XYLT1: variants seen among roughly 807,000 people sequenced by gnomAD.
XYLT1 encodes the protein beta-D-xylosyltransferase 1.
In XYLT1, 36 loss-of-function variants were observed where a neutral mutation model predicts 91.3. The ratio of observed to expected loss-of-function variants is 0.39; its 90% confidence interval spans 0.30 to 0.52. The LOEUF (loss-of-function observed/expected upper bound fraction) is 0.52, where lower values mean the gene tolerates loss of function less well. Among genes scored for constraint, XYLT1 ranks in the 20% least tolerant of loss-of-function variants. The pLI, the probability that XYLT1 is intolerant of heterozygous loss-of-function variation, is 0.68. For missense variants in XYLT1, 1,242 were observed against 1,284.5 expected (o/e 0.97, Z 0.51); for synonymous variants, 588 against 532.0 (o/e 1.11, Z -1.45).
intron 1 of XYLT1, among the ~76,000 whole-genome samples, chr16:17,378,957 G>A (rs949911512): frequency 2.6e-5 from 4 of 152,154 alleles, no homozygotes; most frequent in Non-Finnish European, 4.4e-5. Context: ...GGAATGAGAG[G>A]ACCTGTCTTA....
intron 1 of XYLT1, among the ~76,000 whole-genome samples, chr16:17,390,147 C>G (rs1045043011): frequency 2.0e-5 from 3 of 152,154 alleles, no homozygotes; most frequent in Non-Finnish European, 4.4e-5. Flanking sequence ...TTAATCCGAA[C>G]ATCATTTCCA....
At chr16:17,214,901 C>T (rs533034065) in intron 3 of XYLT1, among the ~76,000 whole-genome samples, 4 of 152,328 alleles carry the variant, frequency 2.6e-5, no homozygotes, top group Admixed American at 6.5e-5. Context: ...TTTAATCTCA[C>T]GAAACCTCTG....
intron 2 of XYLT1, among the ~76,000 whole-genome samples, chr16:17,315,016 G>A (rs1355160325): frequency 3.3e-5 from 5 of 152,184 alleles, no homozygotes; most frequent in African/African-American, 7.2e-5. Flanking sequence ...GCCACGTGGC[G>A]GGTTATTCGC....
chr16:17,115,384 T>C lies in XYLT1; in HGVS notation c.2557+2262A>G, dbSNP rs190102919. 1.6e-3 allele frequency among the ~76,000 whole-genome samples: 228 copies of C among 143,466 alleles called. 4 individuals carry two copies. The East Asian group carries it at 0.035, about 22-fold the overall frequency. 94.1% of individuals were successfully genotyped at this position (143,466 alleles called of 152,430 possible). The stretch of plus-strand genomic sequence containing the variant: ...GTGTAGTTTCAGCTACTTAGGAGGC[T>C]GAGGTGAGAGAATTACTTGAGCCCA... On this transcript the variant is annotated intron_variant, in intron 11 of 11. Coordinates refer to ENST00000261381, the MANE Select transcript of XYLT1 (RefSeq NM_022166.4).
At position 17,203,643 on chromosome 16, in the gene XYLT1, C is replaced by T. The variant is rs767239678; in HGVS notation, c.914-2989G>A. ...ATTTATTCATCCATCCAAGTCCAAC[C>T]ATTCATCCATTGCTCCACCCATTCA... On this transcript the variant is annotated intron_variant, in intron 3 of 11. Transcript: ENST00000261381. Among the ~76,000 whole-genome samples the T allele has an allele frequency of 2.6e-5, 4 of 152,254 alleles. No homozygotes were observed. The South Asian group carries it at 8.3e-4, about 32-fold the overall frequency.
chr16:17,112,378 G>A (rs1019822117), intron 11 of XYLT1, among the ~76,000 whole-genome samples: 7 of 152,070 alleles, frequency 4.6e-5, no homozygotes, highest in South Asian at 2.1e-4. Context: ...GGCTGCTCTC[G>A]GTGGGGGTAA....
chr16:17,335,712 T>G (rs1271614533), intron 2 of XYLT1, among the ~76,000 whole-genome samples: 1 of 134,932 alleles, frequency 7.4e-6, no homozygotes, highest in Non-Finnish European at 1.6e-5. Flanking sequence ...AAAAAAAAAA[T>G]CATTCATTGA....
chr16:17,449,038 T>G (rs1596551770), intron 1 of XYLT1, among the ~76,000 whole-genome samples: 2 of 152,086 alleles, frequency 1.3e-5, no homozygotes, highest in East Asian at 3.9e-4. Flanking sequence ...TTCCACCAAC[T>G]GAGACAAAGA....
At chr16:17,336,499 G>A (rs188823790) in intron 2 of XYLT1, among the ~76,000 whole-genome samples, 19 of 152,198 alleles carry the variant, frequency 1.2e-4, no homozygotes, top group African/African-American at 4.1e-4. Flanking sequence ...CTGGGGCCCC[G>A]TCCTTCACTA....
chr16:17,291,470 A>G (rs765531533), intron 2 of XYLT1, among the ~76,000 whole-genome samples: 3 of 152,176 alleles, frequency 2.0e-5, no homozygotes, highest in African/African-American at 7.2e-5. Context: ...TCAAGTATGA[A>G]CAACAGATCC....
intron 2 of XYLT1, among the ~76,000 whole-genome samples, chr16:17,276,610 G>C (rs771364582): frequency 6.6e-6 from 1 of 152,114 alleles, no homozygotes; most frequent in Non-Finnish European, 1.5e-5. Context: ...AGGAAACTCT[G>C]GTCACTCCCT....
At chr16:17,252,573 C>T (rs12932072) in intron 3 of XYLT1, among the ~76,000 whole-genome samples, 32,015 of 152,148 alleles carry the variant, frequency 0.21, 3,726 homozygotes, top group South Asian at 0.36. Flanking sequence ...AAACAGCTGT[C>T]ACCGAAAAGG....
intron 2 of XYLT1, among the ~76,000 whole-genome samples, chr16:17,333,665 G>A (rs141064296): frequency 1.7e-3 from 251 of 147,684 alleles, no homozygotes; most frequent in African/African-American, 6.1e-3. Context: ...TGGGCTCACT[G>A]CAACCTCTGC....
chr16:17,344,740 A>T (rs1258178486), intron 2 of XYLT1, among the ~76,000 whole-genome samples: 1 of 151,008 alleles, frequency 6.6e-6, no homozygotes, highest in Non-Finnish European at 1.5e-5. Context: ...GGTCTCTGTC[A>T]CCCAAGCTGG....
chr16:17,136,562 A>T (rs1441309332), intron 8 of XYLT1, among the ~76,000 whole-genome samples: 1 of 152,182 alleles, frequency 6.6e-6, no homozygotes, highest in Middle Eastern at 3.2e-3. Flanking sequence ...TGTCTAGCAC[A>T]TAGTGTAGGC....
At chr16:17,244,147 C>T (rs564275188) in intron 3 of XYLT1, among the ~76,000 whole-genome samples, 1 of 152,084 alleles carries the variant, frequency 6.6e-6, no homozygotes, top group Non-Finnish European at 1.5e-5. Flanking sequence ...CTAGGGGGAA[C>T]AGGATGTTCT....
chr16:17,138,448 G>A lies in XYLT1; in HGVS notation c.1671C>T (p.Arg557=), dbSNP rs778068895. ...DNNLRITNWN[R]KLGCKCQYKH... is the part of the protein sequence containing the mutation. ...TGTACTGGCACTTGCAGCCCAGCTTGCGATTCCAGTTGGTGATGCGCAGGT... is the reference window on the plus strand; with the variant it reads ...TGTACTGGCACTTGCAGCCCAGCTTACGATTCCAGTTGGTGATGCGCAGGT... The change falls in exon 8 of 12, where the codon CGC becomes CGT. Residue 557 remains arginine, a synonymous_variant. Transcript: ENST00000261381. The A allele has an allele frequency of 2.0e-5, 33 of 1,614,088 alleles. No individual in the cohort carries two copies. The highest frequency in any genetic ancestry group is 2.6e-5 in the Non-Finnish European group (31 of 1,180,042).
At chr16:17,311,209 C>T (rs1169759230) in intron 2 of XYLT1, among the ~76,000 whole-genome samples, 1 of 152,154 alleles carries the variant, frequency 6.6e-6, no homozygotes, top group African/African-American at 2.4e-5. Flanking sequence ...TGGACCTTGG[C>T]CTCAAGGAGC....
chr16:17,442,282 GTTGT>G (rs2036541099), intron 1 of XYLT1, among the ~76,000 whole-genome samples: 1 of 152,212 alleles, frequency 6.6e-6, no homozygotes, highest in African/African-American at 2.4e-5. Context: ...CATCCCATTG[GTTGT>G]TTCTCTGGAG....
Sources: allele counts gnomAD v4.1 joint callset (sites outside exome capture counted in the v4.1 genomes callset), GRCh38; gene constraint gnomAD v4.1.1; transcripts MANE v1.5; gene names NCBI Gene and HGNC (gene_info 2026-07-23, HGNC 2026-07-21).